Variants in GSPT1 observed in about 807,000 individuals in gnomAD.
GSPT1 encodes the protein eukaryotic peptide chain release factor GTP-binding subunit ERF3A.
A neutral mutation model predicts 72.5 loss-of-function variants in GSPT1; 20 were observed. The ratio of observed to expected loss-of-function variants is 0.28; its 90% CI spans 0.19 to 0.40. The LOEUF is 0.40. GSPT1 is among the 10% of genes least tolerant of loss of function. The pLI is 1.00. For missense variants in GSPT1, 580 were observed against 811.9 expected, an observed-to-expected ratio of 0.71 and a Z score of 3.47; for synonymous variants, 334 against 293.5, an observed-to-expected ratio of 1.14 and a Z score of -1.41.
chr16:11,869,473 G>C lies in GSPT1; in HGVS notation c.*3646C>G, dbSNP rs1188341396. The stretch of plus-strand genomic sequence containing the variant: ...TGTTCTCTTCCTTACCTATGTCTGT[G>C]AAAGGATTAATGGCACAGTTTGATA... On this transcript the variant is annotated 3_prime_UTR_variant, in exon 15 of 15. Coordinates refer to ENST00000434724, the MANE Select transcript of GSPT1 (RefSeq NM_002094.4). The C allele has an allele frequency of 6.6e-6, 1 of 152,218 alleles. No homozygotes were observed. 9.4% of individuals were successfully genotyped at this position (152,218 alleles called of 1,614,324 possible).
At chr16:11,884,558 G>A (rs1426775862) in intron 10 of GSPT1, among the ~76,000 whole-genome samples, 1 of 152,052 alleles carries the variant, frequency 6.6e-6, no homozygotes, top group Non-Finnish European at 1.5e-5. Context: ...TTAGGAGTTC[G>A]AGACCAGCCT....
intron 6 of GSPT1, chr16:11,890,706 C>T (rs2054247801): frequency 6.1e-6 from 1 of 165,038 alleles, no homozygotes; most frequent in South Asian, 1.6e-4. Flanking sequence ...ATCTTAAGTA[C>T]AGGGATGTTT....
intron 9 of GSPT1, among the ~76,000 whole-genome samples, chr16:11,886,099 C>T (rs2054183774): frequency 6.6e-6 from 1 of 152,020 alleles, no homozygotes; most frequent in South Asian, 2.1e-4. Flanking sequence ...AAATCAAATA[C>T]ATATCTAAAT....
intron 10 of GSPT1, among the ~76,000 whole-genome samples, chr16:11,883,680 C>T (rs541000777): frequency 2.6e-5 from 4 of 151,290 alleles, no homozygotes; most frequent in South Asian, 4.2e-4. Flanking sequence ...TTTGGGAGGC[C>T]GAAGCGGGTG....
rs1428724632 is a variant in GSPT1, at chr16:11,877,019, G to C, written c.1602+388C>G. 6.6e-6 allele frequency among the ~76,000 whole-genome samples: 1 copy of C among 152,192 alleles called. No homozygotes were observed. The highest frequency in any genetic ancestry group is 2.4e-5 in the African/African-American group (1 of 41,436). On this transcript the variant is annotated intron_variant, in intron 12 of 14. Coordinates refer to ENST00000434724, the MANE Select transcript of GSPT1 (RefSeq NM_002094.4). This position sits in a 1 kb window ranked among gnomAD's most constrained non-coding sequence, Gnocchi z 4.0. ...CTCTGTCATTCTCCCAGGGAGGTTA[G>C]ATTGTTAATAACAGGGAAACCTGTG...
rs1190315677 is a variant in GSPT1, at chr16:11,904,940, C to T, written c.353-6905G>A. Among the ~76,000 whole-genome samples, 17 of 152,220 alleles carry T rather than the reference C, an allele frequency of 1.1e-4. No homozygotes were observed. In the East Asian group the frequency reaches 3.3e-3, roughly 29 times the overall value. ...TCCTTACAAAAAATTTAAAAATCAG[C>T]CGGGTATAGTGGCACAGGCCTGTAG... On this transcript the variant is annotated intron_variant, in intron 1 of 14. Transcript: ENST00000434724.
chr16:11,876,178 G>T lies in GSPT1; in HGVS notation c.1603-3C>A. The T allele has an allele frequency of 1.3e-6, 2 of 1,565,966 alleles. No homozygotes were observed. The highest frequency in any genetic ancestry group is 1.8e-6 in the Non-Finnish European group (2 of 1,136,168). ...GATTTGTGCTCTATAATCACTATCT[G>T]TCAAACAAACACACACATTCTTATC... On this transcript the variant is annotated splice_polypyrimidine_tract_variant and splice_region_variant and intron_variant, in intron 12 of 14. Coordinates refer to ENST00000434724, the MANE Select transcript of GSPT1 (RefSeq NM_002094.4).
chr16:11,884,467 T>TA (rs1433608093), intron 10 of GSPT1, among the ~76,000 whole-genome samples: 14 of 152,196 alleles, frequency 9.2e-5, no homozygotes, highest in African/African-American at 2.7e-4. Flanking sequence ...ATGTTGTTAA[T>TA]AAAGTTTTTG....
Position 11,876,113 on chromosome 16 carries a change from A to G in GSPT1, c.1665T>C (p.His555=), listed in dbSNP as rs771249200. Residue 555 remains histidine, a synonymous_variant, in exon 13 of 15, where the codon CAT becomes CAC. Transcript: ENST00000434724. ...TTATTTCCACCTCCTCAATACAGGT[A>G]TGAATATGCAGCACCGCATTATAGC... The part of the protein sequence containing the change: ...CPGYNAVLHI[H]TCIEEVEITA... 6.8e-6 allele frequency: 11 copies of G among 1,606,936 alleles called. No homozygotes were observed. The highest frequency in any genetic ancestry group is 1.7e-6 in the Non-Finnish European group (2 of 1,173,480).
chr16:11,915,257 C>G (rs900330658), intron 1 of GSPT1, 112 bp downstream of exon 1: 1 of 1,184,974 alleles, frequency 8.4e-7, no homozygotes, highest in Non-Finnish European at 1.0e-6. Flanking sequence ...GCGCCACTGT[C>G]AGCGCCCCAC....
intron 1 of GSPT1, among the ~76,000 whole-genome samples, chr16:11,900,620 C>G (rs1596471494): frequency 1.3e-5 from 2 of 152,276 alleles, no homozygotes; most frequent in East Asian, 1.9e-4. Flanking sequence ...TCTTCCCCTT[C>G]CTCAGATAGT....
rs968360205 is a variant in GSPT1 at position 11,886,771 on chromosome 16, G to A, written c.1112+6C>T. On this transcript the variant is annotated splice_donor_region_variant and intron_variant, in intron 8 of 14. Transcript: ENST00000434724. ...CTAACATAAAATACCAGACATCTAC[G>A]CTCACCTCTCATTGCTCCAATTTAC... is the stretch of plus-strand genomic sequence containing the variant. 19 of 1,611,738 alleles carry A rather than the reference G, an allele frequency of 1.2e-5. No individual in the cohort carries two copies. The African/African-American group carries it at 1.6e-4, about 14-fold the overall frequency.
Position 11,908,708 on chromosome 16 carries a change from C to A in GSPT1, c.352+6661G>T, listed in dbSNP as rs529992724. ...CCGGGAGGCGGAGCTTGCAGTGAGC[C>A]GAGATCCCGCCACTGCACTCCAGCC... On this transcript the variant is annotated intron_variant, in intron 1 of 14. Transcript: ENST00000434724. The A allele has an allele frequency of 4.0e-5, 2 of 49,766 alleles. 1 individual carries two copies. The highest frequency in any genetic ancestry group is 6.6e-5 in the Non-Finnish European group (2 of 30,288). 3.1% of individuals were successfully genotyped at this position (49,766 alleles called of 1,614,324 possible).
At chr16:11,889,518 A>G (rs1596464004) in intron 6 of GSPT1, among the ~76,000 whole-genome samples, 4 of 139,726 alleles carry the variant, frequency 2.9e-5, no homozygotes, top group South Asian at 2.3e-4. Context: ...TTGTATATAT[A>G]TTTTTTGAGA....
At chr16:11,909,356 C>A (rs943290478) in intron 1 of GSPT1, among the ~76,000 whole-genome samples, 2 of 152,170 alleles carry the variant, frequency 1.3e-5, no homozygotes, top group Non-Finnish European at 2.9e-5. Context: ...AAGGCAGAAA[C>A]TTCTAAGCCT....
chr16:11,898,000 A>T lies in GSPT1; in HGVS notation c.388T>A (p.Cys130Ser). The change falls in exon 2 of 15, where the codon TGT becomes AGT. Residue 130 changes from cysteine (C) to serine (S), a missense_variant. Physicochemically the swap from Cys to Ser is moderately radical, Grantham distance 112. This residue lies in a region of GSPT1 where 327 missense variants were observed against 298.8 expected (regional missense o/e 1.09). Coordinates refer to ENST00000434724, the MANE Select transcript of GSPT1 (RefSeq NM_002094.4). ...VESSQEEQSLCEGSNSAVSME... is the reference protein window; with the variant it reads ...VESSQEEQSLSEGSNSAVSME... ...TCAAAGAGTACATCATTACCTTCAC[A>T]CAATGACTGTTCCTCTTGAGAGGAT... The T allele has an allele frequency of 6.4e-7, 1 of 1,551,204 alleles. No homozygotes were observed. Among genetic ancestry groups the T allele is most frequent in the Non-Finnish European group, 8.7e-7 (1 of 1,144,262 alleles).
chr16:11,878,836 C>T lies in GSPT1; in HGVS notation c.1429-1256G>A, dbSNP rs757980805. Among the ~76,000 whole-genome samples, 21 of 151,744 alleles carry T rather than the reference C, an allele frequency of 1.4e-4. No homozygotes were observed. In the East Asian group the frequency reaches 2.9e-3, roughly 21 times the overall value. On this transcript the variant is annotated intron_variant, in intron 11 of 14. Coordinates refer to ENST00000434724, the MANE Select transcript of GSPT1 (RefSeq NM_002094.4). Reference sequence around the variant, plus strand: ...GCCTCAGCATTTTGGGAGGCCGAGGCGGGTGATCACCTGAGATCAGGAGTT... The same window carrying T: ...GCCTCAGCATTTTGGGAGGCCGAGGTGGGTGATCACCTGAGATCAGGAGTT...
At chr16:11,916,092 G>C (rs1232985973), upstream of GSPT1, 1 of 492,100 alleles carries the variant, frequency 2.0e-6, no homozygotes, top group Non-Finnish European at 3.9e-6. Context: ...CGGCTATTTA[G>C]CGCGGCGGGA....
chr16:11,889,720 G>C (rs1001995997), intron 6 of GSPT1, among the ~76,000 whole-genome samples: 3 of 151,674 alleles, frequency 2.0e-5, no homozygotes, highest in Non-Finnish European at 4.4e-5. Flanking sequence ...TGGTCAGGCT[G>C]GTCTCGAACT....
Sources: gnomAD v4.1 joint callset for allele counts (sites outside exome capture counted in the v4.1 genomes callset) on GRCh38, gnomAD v4.1.1 for gene constraint, gnomAD v4.1.1 regional missense constraint, Gnocchi (gnomAD v3.1) non-coding constraint, MANE v1.5 for transcripts, NCBI Gene and HGNC (gene_info 2026-07-23, HGNC 2026-07-21) for gene names.